Variants in NCOA4 observed in about 807,000 individuals in gnomAD.
The protein encoded by NCOA4 is 70 kDa AR-activator.
A neutral mutation model predicts 69.5 loss-of-function variants in NCOA4; 31 were observed. The ratio of observed to expected loss-of-function variants is 0.45; its 90% CI spans 0.34 to 0.60. The LOEUF (loss-of-function observed/expected upper bound fraction) is 0.60. Among genes scored for constraint, NCOA4 ranks in the 20% least tolerant of loss-of-function variants. NCOA4 has a pLI of 0.02. For missense variants in NCOA4, 600 were observed against 719.2 expected (o/e 0.83, Z 1.90); for synonymous variants, 228 against 252.4 (o/e 0.90, Z 0.92).
intron 2 of NCOA4, among the ~76,000 whole-genome samples, chr10:46,015,747 CTT>C (rs1839504522): frequency 6.6e-6 from 1 of 152,236 alleles, no homozygotes; most frequent in Non-Finnish European, 1.5e-5. Flanking sequence ...CCCCTTATCT[CTT>C]TTCTCACCCC....
intron 7 of NCOA4, 67 bp from the exon 8 acceptor site, chr10:46,011,273 A>C: frequency 6.7e-7 from 1 of 1,482,728 alleles, no homozygotes; most frequent in Non-Finnish European, 9.1e-7. Flanking sequence ...TTCTGTCTGC[A>C]CTTTTTCTTT....
intron 1 of NCOA4, among the ~76,000 whole-genome samples, chr10:46,018,991 G>A (rs1021758877): frequency 2.6e-5 from 4 of 152,180 alleles, no homozygotes; most frequent in African/African-American, 7.2e-5. Flanking sequence ...AGGGAAGTGG[G>A]AAGAGCAGCA....
intron 1 of NCOA4, chr10:46,023,606 G>A (rs1840016770): frequency 4.6e-6 from 4 of 864,058 alleles, no homozygotes; most frequent in Non-Finnish European, 5.6e-6. Context: ...CCTGCTAGAC[G>A]CCTGCTGCCC....
At chr10:46,022,700 C>T (rs1839957287) in intron 1 of NCOA4, among the ~76,000 whole-genome samples, 1 of 152,034 alleles carries the variant, frequency 6.6e-6, no homozygotes, top group African/African-American at 2.4e-5. Flanking sequence ...CTCCTGACCT[C>T]GTGATCCGCC....
rs782440620 is a variant in NCOA4 at position 46,013,577 on chromosome 10, C to T, written c.543G>A (p.Lys181=). 7 of 1,613,176 alleles carry T rather than the reference C, an allele frequency of 4.3e-6. No homozygotes were observed. The South Asian group carries it at 4.4e-5, about 10-fold the overall frequency. ...GCTCTGGCATGGAGATACAGCCTCTCTTCTCCAGGAAGGGCCCAATATTTG... is the reference window on the plus strand; with the variant it reads ...GCTCTGGCATGGAGATACAGCCTCTTTTCTCCAGGAAGGGCCCAATATTTG... The part of the protein sequence containing the change: ...SSANIGPFLE[K]RGCISMPEQK... Residue 181 remains lysine, a synonymous_variant, in exon 6 of 10, where the codon AAG becomes AAA. Coordinates refer to ENST00000581486, the MANE Select transcript of NCOA4 (RefSeq NM_001145263.2).
chr10:46,010,076 G>C, intron 8 of NCOA4, 147 bp downstream of exon 8: 1 of 985,148 alleles, frequency 1.0e-6, no homozygotes, highest in Non-Finnish European at 1.5e-6. Flanking sequence ...GTGCGGGCAG[G>C]GGGATGGCTG....
In NCOA4 at chr10:46,013,685, CAA is replaced by C. The variant is rs1437035675; in HGVS notation, c.481-48_481-47del. The C allele has an allele frequency of 3.7e-6, 5 of 1,347,964 alleles. No individual in the cohort carries two copies. The African/African-American group carries it at 7.3e-5, about 20-fold the overall frequency. The allele number at this position is 1,347,964 out of a possible 1,614,324, so 83.5% of individuals were successfully genotyped here. A position where few individuals can be genotyped will look rare whatever the true frequency, so the allele number is the denominator to read the frequency against. ...AATCATGTTATTTATGCTATGCTGC[CAA>C]AAAAGTGAAATTATAATTCCAAATT... On this transcript the variant is annotated intron_variant, in intron 5 of 9. Transcript: ENST00000581486.
chr10:46,009,679 G>T, intron 8 of NCOA4, 128 bp from the exon 9 acceptor site: 1 of 838,336 alleles, frequency 1.2e-6, no homozygotes, highest in Non-Finnish European at 1.8e-6. Flanking sequence ...CAAAAACAAA[G>T]GTGACAATTG....
At chr10:46,020,980 G>C (rs1442931144) in intron 1 of NCOA4, among the ~76,000 whole-genome samples, 1 of 152,178 alleles carries the variant, frequency 6.6e-6, no homozygotes, top group Non-Finnish European at 1.5e-5. Flanking sequence ...AAATTTGGGG[G>C]TGGAGGAAGT....
intron 1 of NCOA4, chr10:46,022,256 T>C (rs1839914055): frequency 3.1e-5 from 10 of 324,404 alleles, no homozygotes; most frequent in South Asian, 2.7e-4. Context: ...GCGCAGCATC[T>C]ATCCACAGGA....
Position 46,010,309 on chromosome 10 carries a change from C to G in NCOA4, c.1612G>C (p.Asp538His). ...NTSWCSFNTA[D>H]WVLPGKKMGN... is the part of the protein sequence containing the mutation. ...ATCTTCTTTCCTGGCAGGACCCAGT[C>G]AGCTGTGTTAAAGGAACACCAGGAA... The change falls in exon 8 of 10, where the codon GAC (aspartate) becomes CAC (histidine). Residue 538 changes from aspartate (D) to histidine (H), a missense_variant. Transcript: ENST00000581486. The G allele has an allele frequency of 1.2e-6, 2 of 1,614,190 alleles. No individual in the cohort carries two copies. The highest frequency in any genetic ancestry group is 1.7e-6 in the Non-Finnish European group (2 of 1,180,034).
At chr10:46,008,016 G>A (rs1838956286) in intron 9 of NCOA4, among the ~76,000 whole-genome samples, 1 of 152,172 alleles carries the variant, frequency 6.6e-6, no homozygotes, top group East Asian at 1.9e-4. Flanking sequence ...TCACAGCATG[G>A]TTTACTGAAT....
At chr10:46,019,333 T>C in intron 1 of NCOA4, 1 of 985,418 alleles carries the variant, frequency 1.0e-6, no homozygotes, top group Non-Finnish European at 1.2e-6. Context: ...CTGTATCACA[T>C]GGGTGAAATG....
chr10:46,022,807 T>C (rs1329272386), intron 1 of NCOA4, among the ~76,000 whole-genome samples: 1 of 152,154 alleles, frequency 6.6e-6, no homozygotes, highest in Non-Finnish European at 1.5e-5. Flanking sequence ...AAGGATTATA[T>C]ACATCTTACC....
At chr10:46,013,368 C>T (rs1479672068) in intron 6 of NCOA4, among the ~76,000 whole-genome samples, 182 bp downstream of exon 6, 5 of 152,104 alleles carry the variant, frequency 3.3e-5, no homozygotes, top group East Asian at 1.9e-4. Flanking sequence ...TAATCAGCCC[C>T]GACAAGACAT....
rs1838804910 is a variant in NCOA4, at chr10:46,006,292, C to G, written c.*300G>C. On this transcript the variant is annotated 3_prime_UTR_variant, in exon 10 of 10. Transcript: ENST00000581486. ...TTTAGTAACGACCCAATCTAAGGAGCCTTGGAGGCTTGTGAAAAAGACGTC... is the reference window on the plus strand; with the variant it reads ...TTTAGTAACGACCCAATCTAAGGAGGCTTGGAGGCTTGTGAAAAAGACGTC... 7 of 453,296 alleles carry G rather than the reference C, an allele frequency of 1.5e-5. No individual in the cohort carries two copies. Among genetic ancestry groups the G allele is most frequent in the Admixed American group, 1.4e-4 (4 of 28,228 alleles). The allele number at this position is 453,296 out of a possible 1,614,324, so 28.1% of individuals were successfully genotyped here.
chr10:46,005,862 T>C lies in NCOA4; in HGVS notation c.*730A>G, dbSNP rs1266727206. The stretch of plus-strand genomic sequence containing the variant: ...TTAAGCCCCGTAGGTCTGTAGAATA[T>C]TTTAAAAGGCTAGAATTACCTCAAA... On this transcript the variant is annotated 3_prime_UTR_variant, in exon 10 of 10. Coordinates refer to ENST00000581486, the MANE Select transcript of NCOA4 (RefSeq NM_001145263.2). 1 of 207,274 alleles carries C rather than the reference T, an allele frequency of 4.8e-6. No homozygotes were observed. Among genetic ancestry groups the C allele is most frequent in the Admixed American group, 5.9e-5 (1 of 16,880 alleles). 12.8% of individuals were successfully genotyped at this position (207,274 alleles called of 1,614,324 possible).
chr10:46,011,117 A>G lies in NCOA4; in HGVS notation c.804T>C (p.Ser268=). Residue 268 remains serine (S), a synonymous_variant, in exon 8 of 10, where the codon AGT becomes AGC. Transcript: ENST00000581486. ...ENWLLKSEKS[S]YQKCNSHSTT... is the part of the protein sequence containing the mutation. ...TGGAATGGCTGTTACACTTTTGATA[A>G]CTTGATTTTTCACTCTTGAGGAGCC... The G allele has an allele frequency of 6.2e-7, 1 of 1,613,724 alleles. No individual in the cohort carries two copies. The highest frequency in any genetic ancestry group is 8.5e-7 in the Non-Finnish European group (1 of 1,179,792).
intron 1 of NCOA4, among the ~76,000 whole-genome samples, chr10:46,024,273 T>C (rs782103923): frequency 6.6e-6 from 1 of 152,256 alleles, no homozygotes; most frequent in Non-Finnish European, 1.5e-5. Flanking sequence ...TATGGTCCTT[T>C]GTACTAATTT....
Sources: allele counts gnomAD v4.1 joint callset (sites outside exome capture counted in the v4.1 genomes callset), GRCh38; gene constraint gnomAD v4.1.1; transcripts MANE v1.5; gene names NCBI Gene and HGNC (gene_info 2026-07-23, HGNC 2026-07-21).